Variants in DSCAML1 observed in about 807,000 individuals in gnomAD.
DSCAML1 encodes the protein DS cell adhesion molecule like 1.
A neutral mutation model predicts 200.5 loss-of-function variants in DSCAML1; 38 were observed. The observed-to-expected ratio is 0.19, with a 90% CI of 0.15 to 0.25. The LOEUF (loss-of-function observed/expected upper bound fraction) is 0.25. DSCAML1 is among the 10% of genes least tolerant of loss of function. DSCAML1 has a pLI of 1.00. For synonymous variants in DSCAML1, 1,215 were observed against 1,165.0 expected, an observed-to-expected ratio of 1.04 and a Z score of -0.87; for missense variants, 2,223 against 2,858.8, an observed-to-expected ratio of 0.78 and a Z score of 5.07.
chr11:117,722,803 TA>T (rs766775048), intron 3 of DSCAML1, among the ~76,000 whole-genome samples: 8 of 152,206 alleles, frequency 5.3e-5, no homozygotes, highest in Non-Finnish European at 1.2e-4. Flanking sequence ...GTGTTTCAGA[TA>T]TGTTGCTGAC....
intron 3 of DSCAML1, among the ~76,000 whole-genome samples, chr11:117,566,355 TC>T (rs781599281): frequency 0.15 from 15,762 of 107,622 alleles, 1,150 homozygotes; most frequent in Non-Finnish European, 0.22. Context: ...TCTCTCTCTC[TC>T]TTTTTTTTTT....
At chr11:117,663,028 G>GC (rs111962854) in intron 3 of DSCAML1, among the ~76,000 whole-genome samples, 5 of 151,846 alleles carry the variant, frequency 3.3e-5, no homozygotes, top group African/African-American at 1.2e-4. Context: ...ACATCCACTT[G>GC]CCCCCCGGAG....
At chr11:117,524,332 G>GT (rs1287651261) in intron 5 of DSCAML1, among the ~76,000 whole-genome samples, 1 of 152,220 alleles carries the variant, frequency 6.6e-6, no homozygotes, top group Non-Finnish European at 1.5e-5. Context: ...ATCAATGATT[G>GT]TGAAACATCC....
At position 117,545,244 on chromosome 11, in the gene DSCAML1, C is replaced by A. The variant is rs865940683; in HGVS notation, c.512-12722G>T. 2.5e-3 allele frequency among the ~76,000 whole-genome samples: 307 copies of A among 124,790 alleles called. 6 individuals are homozygous for A. The highest frequency in any genetic ancestry group is 0.011 in the East Asian group (42 of 3,872). 81.9% of individuals were successfully genotyped at this position (124,790 alleles called of 152,430 possible). ...GATTCCGTAAAAAAAAACACACACA[C>A]ACACACACACACACACAAAACACAA... On this transcript the variant is annotated intron_variant, in intron 3 of 32. Coordinates refer to ENST00000651296, the MANE Select transcript of DSCAML1 (RefSeq NM_020693.4).
intron 3 of DSCAML1, among the ~76,000 whole-genome samples, chr11:117,629,554 C>T (rs910923681): frequency 4.1e-5 from 6 of 147,886 alleles, no homozygotes; most frequent in East Asian, 1.9e-4. Flanking sequence ...CTAAGACAAC[C>T]GGGCAGAGAG....
intron 17 of DSCAML1, 77 bp downstream of exon 17, chr11:117,464,865 C>T: frequency 2.6e-6 from 4 of 1,565,846 alleles, no homozygotes; most frequent in Middle Eastern, 4.7e-4. Flanking sequence ...ACAGAGGGAC[C>T]CACAAACCCT....
At chr11:117,531,595 A>C (rs1364561768) in intron 4 of DSCAML1, among the ~76,000 whole-genome samples, 1 of 152,094 alleles carries the variant, frequency 6.6e-6, no homozygotes, top group African/African-American at 2.4e-5. Flanking sequence ...ATCAGATAGA[A>C]TCCTCAGGCC....
chr11:117,671,302 A>G (rs1289991692), intron 3 of DSCAML1, among the ~76,000 whole-genome samples: 1 of 152,258 alleles, frequency 6.6e-6, no homozygotes, highest in Non-Finnish European at 1.5e-5. Flanking sequence ...GGCCACACTC[A>G]GGTGAAATAA....
chr11:117,540,771 A>G (rs1163265199), intron 3 of DSCAML1, among the ~76,000 whole-genome samples: 2 of 152,102 alleles, frequency 1.3e-5, no homozygotes, highest in Non-Finnish European at 2.9e-5. Flanking sequence ...CAGCAAACCA[A>G]CATGGCACAT....
chr11:117,780,933 T>C lies in DSCAML1; in HGVS notation c.47-123A>G, dbSNP rs2055246166. 2.8e-6 allele frequency: 2 copies of C among 713,118 alleles called. No individual in the cohort carries two copies. Among genetic ancestry groups the C allele is most frequent in the Non-Finnish European group, 4.1e-6 (2 of 488,690 alleles). The allele number at this position is 713,118 out of a possible 1,614,324, so 44.2% of individuals were successfully genotyped here. A position where few individuals can be genotyped will look rare whatever the true frequency, so the allele number is the denominator to read the frequency against. On this transcript the variant is annotated intron_variant, in intron 1 of 32. Coordinates refer to ENST00000651296, the MANE Select transcript of DSCAML1 (RefSeq NM_020693.4). The surrounding 1 kb of genome is among the most constrained non-coding windows in gnomAD (Gnocchi z 4.8). ...ACCTTCAAGCATCAGTCATTCAGTATGCACTTATTGAGCACTGACTATACA... is the reference window on the plus strand; with the variant it reads ...ACCTTCAAGCATCAGTCATTCAGTACGCACTTATTGAGCACTGACTATACA...
chr11:117,478,137 C>T (rs377055897), intron 14 of DSCAML1, among the ~76,000 whole-genome samples: 5 of 152,326 alleles, frequency 3.3e-5, no homozygotes, highest in South Asian at 2.1e-4. Flanking sequence ...GCTCTCCAGA[C>T]GTGTGATGTT....
intron 16 of DSCAML1, among the ~76,000 whole-genome samples, chr11:117,468,866 C>A (rs1480098064): frequency 2.6e-5 from 4 of 152,168 alleles, no homozygotes; most frequent in Non-Finnish European, 5.9e-5. Flanking sequence ...CTAAAGAGCC[C>A]AGAAGAAGGA....
intron 3 of DSCAML1, among the ~76,000 whole-genome samples, chr11:117,617,579 C>A (rs562217256): frequency 1.3e-5 from 2 of 152,058 alleles, no homozygotes; most frequent in Non-Finnish European, 2.9e-5. Flanking sequence ...GCCAAAGACA[C>A]TTTGATTCCA....
At chr11:117,512,459 A>G (rs890304211) in intron 8 of DSCAML1, among the ~76,000 whole-genome samples, 9 of 152,316 alleles carry the variant, frequency 5.9e-5, no homozygotes, top group African/African-American at 2.2e-4. Context: ...AGTCAGGGAA[A>G]AAATGGGGAT....
In DSCAML1 at chr11:117,463,045, TG is replaced by T. The variant is rs1006826355; in HGVS notation, c.3266-1450del. On this transcript the variant is annotated intron_variant, in intron 17 of 32. Transcript: ENST00000651296. The surrounding 1 kb of genome is among the most constrained non-coding windows in gnomAD (Gnocchi z 4.0). ...TGGTGCATGGGAGCTTAGCGTTAGG[TG>T]GGGCAGGCTGGCCTCGGCTCAGCAC... Among the ~76,000 whole-genome samples the T allele has an allele frequency of 6.6e-6, 1 of 152,088 alleles. No homozygotes were observed. Among genetic ancestry groups the T allele is most frequent in the Non-Finnish European group, 1.5e-5 (1 of 68,008 alleles).
intron 11 of DSCAML1, among the ~76,000 whole-genome samples, chr11:117,485,466 G>A (rs1224753965): frequency 6.6e-6 from 1 of 152,206 alleles, no homozygotes; most frequent in Non-Finnish European, 1.5e-5. Context: ...GAGGAGAGAA[G>A]CTTGAGGGGC....
At chr11:117,552,338 C>G (rs2050483726) in intron 3 of DSCAML1, among the ~76,000 whole-genome samples, 1 of 150,602 alleles carries the variant, frequency 6.6e-6, no homozygotes, top group Admixed American at 6.6e-5. Flanking sequence ...AGAACCATCC[C>G]CAATCTACAC....
intron 3 of DSCAML1, among the ~76,000 whole-genome samples, chr11:117,601,711 G>A (rs959247358): frequency 2.6e-5 from 4 of 152,338 alleles, no homozygotes; most frequent in Admixed American, 6.5e-5. Context: ...GGAAGTGAAC[G>A]AGAGAAACAT....
intron 3 of DSCAML1, among the ~76,000 whole-genome samples, chr11:117,668,211 C>T (rs1456542426): frequency 6.6e-6 from 1 of 152,196 alleles, no homozygotes; most frequent in East Asian, 1.9e-4. Context: ...GGTCTCTGTC[C>T]TCATAGGAGC....
Sources: gnomAD v4.1 joint callset for allele counts (sites outside exome capture counted in the v4.1 genomes callset) on GRCh38, gnomAD v4.1.1 for gene constraint, Gnocchi (gnomAD v3.1) non-coding constraint, MANE v1.5 for transcripts, NCBI Gene and HGNC (gene_info 2026-07-23, HGNC 2026-07-21) for gene names.